Variants in SENP3 observed in about 807,000 individuals in gnomAD.
SENP3 encodes sentrin-specific protease 3.
Under a neutral mutation model 66.2 loss-of-function variants are expected in SENP3, and 11 were observed. The observed-to-expected ratio is 0.17, with a 90% CI of 0.10 to 0.28. The LOEUF (loss-of-function observed/expected upper bound fraction) is 0.28. Ranked by LOEUF, SENP3 falls within the 10% of genes least tolerant of loss-of-function variation. The probability of loss-of-function intolerance (pLI) is 1.00; values close to 1 mark genes in which losing one functional copy is unlikely to be tolerated. For missense variants in SENP3, 548 were observed against 743.7 expected (o/e 0.74, Z 3.06); for synonymous variants, 292 against 277.6 (o/e 1.05, Z -0.52).
intron 10 of SENP3, 138 bp from the exon 11 acceptor site, chr17:7,571,235 T>C: frequency 1.5e-6 from 1 of 649,526 alleles, no homozygotes; most frequent in Non-Finnish European, 2.7e-6. Flanking sequence ...AGAGTCAGGC[T>C]GTTTTTGAAC....
In SENP3 at chr17:7,563,555, G is replaced by A. The variant is rs2071241310; in HGVS notation, c.479G>A (p.Gly160Asp). 2 of 1,550,278 alleles carry A rather than the reference G, an allele frequency of 1.3e-6. No individual in the cohort carries two copies. Among genetic ancestry groups the A allele is most frequent in the South Asian group, 1.2e-5 (1 of 84,256 alleles). Residue 160 changes from glycine to aspartate, a missense_variant, in exon 2 of 11, where the codon GGC (glycine) becomes GAC (aspartate). Gly to Asp is a moderately conservative substitution (Grantham distance 94). This residue lies in a region of SENP3 where 215 missense variants were observed against 230.7 expected (regional missense o/e 0.93). Transcript: ENST00000321337. The stretch of plus-strand genomic sequence containing the variant: ...GGGCGCCACCGGGGCCGGCGGCGGG[G>A]CCTCGCACACCCCAAGAACCATCTT... ...LWGRHRGRRR[G>D]LAHPKNHLSP... is the part of the protein sequence containing the mutation.
At chr17:7,566,669 T>TAA (rs34349099) in intron 6 of SENP3, among the ~76,000 whole-genome samples, 19,353 of 135,742 alleles carry the variant, frequency 0.14, 1,413 homozygotes, top group African/African-American at 0.17. Context: ...CTGCCTCAAA[T>TAA]AAAAAAAAAA....
At chr17:7,565,253 G>A (rs2071258650) in intron 4 of SENP3, 183 bp downstream of exon 4, 3 of 825,292 alleles carry the variant, frequency 3.6e-6, no homozygotes, top group South Asian at 3.5e-5. Context: ...CTGGGACCCT[G>A]AAATGTTCTA....
chr17:7,563,190 C>G lies in SENP3; in HGVS notation c.114C>G (p.Pro38=). Residue 38 remains proline, a synonymous_variant, in exon 2 of 11, where the codon CCC becomes CCG. Transcript: ENST00000321337. Reference sequence around the variant, plus strand: ...AGCGTCTTCGTTGGCCCCCACCTCCCAAACCCCGACTCAAGTCAGGTGGAG... The same window carrying G: ...AGCGTCTTCGTTGGCCCCCACCTCCGAAACCCCGACTCAAGTCAGGTGGAG... The part of the protein sequence containing the change: ...RRERLRWPPP[P]KPRLKSGGGF... 6.4e-7 allele frequency: 1 copy of G among 1,569,902 alleles called. No individual in the cohort carries two copies. Among genetic ancestry groups the G allele is most frequent in the Non-Finnish European group, 8.6e-7 (1 of 1,157,232 alleles).
At position 7,570,265 on chromosome 17, in the gene SENP3, C is replaced by A; in HGVS notation, c.1342-91C>A. Reference sequence around the variant, plus strand: ...GTCTTCTGTTCTTTCACTTGGTTCCCTTACCTGTGTCTCTGTTCCTCTCTA... The same window carrying A: ...GTCTTCTGTTCTTTCACTTGGTTCCATTACCTGTGTCTCTGTTCCTCTCTA... On this transcript the variant is annotated intron_variant, in intron 7 of 10. Coordinates refer to ENST00000321337, the MANE Select transcript of SENP3 (RefSeq NM_015670.6). This position sits in a 1 kb window ranked among gnomAD's most constrained non-coding sequence, Gnocchi z 5.4. 1 of 1,491,522 alleles carries A rather than the reference C, an allele frequency of 6.7e-7. No individual in the cohort carries two copies. 92.4% of individuals were successfully genotyped at this position (1,491,522 alleles called of 1,614,324 possible).
In SENP3 at chr17:7,563,520, G is replaced by A; in HGVS notation, c.444G>A (p.Trp148Ter). The A allele has an allele frequency of 6.5e-7, 1 of 1,550,382 alleles. No homozygotes were observed. The highest frequency in any genetic ancestry group is 8.7e-7 in the Non-Finnish European group (1 of 1,146,956). The change falls in exon 2 of 11, where the codon TGG becomes TGA. Residue 148 changes from tryptophan to a stop codon, truncating the protein, a stop_gained. Coordinates refer to ENST00000321337, the MANE Select transcript of SENP3 (RefSeq NM_015670.6). LOFTEE classifies it high-confidence loss of function. ...YSKSTSLTFHWKLWGRHRGRR... is the reference protein window; with the variant it reads ...YSKSTSLTFH ...AAAGCACCTCGCTGACATTCCACTGGAAGCTTTGGGGGCGCCACCGGGGCC... is the reference window on the plus strand; with the variant it reads ...AAAGCACCTCGCTGACATTCCACTGAAAGCTTTGGGGGCGCCACCGGGGCC...
At chr17:7,568,584 G>A (rs944525343) in intron 7 of SENP3, among the ~76,000 whole-genome samples, 15 of 152,010 alleles carry the variant, frequency 9.9e-5, no homozygotes, top group African/African-American at 3.6e-4. Flanking sequence ...GTGAAACTCT[G>A]TCTCAAAAAA....
intron 2 of SENP3, 35 bp downstream of exon 2, chr17:7,563,826 G>A (rs772850946): frequency 6.7e-6 from 10 of 1,502,836 alleles, no homozygotes; most frequent in Admixed American, 2.0e-5. Flanking sequence ...TTGCGGGGGA[G>A]GGGTTAGGGA....
At chr17:7,565,621 G>A in intron 5 of SENP3, 34 bp downstream of exon 5, 1 of 1,613,370 alleles carries the variant, frequency 6.2e-7, no homozygotes, top group Non-Finnish European at 8.5e-7. Context: ...CCTGAGAGGG[G>A]ATTCAGGGAG....
chr17:7,571,421 GAC>G lies in SENP3; in HGVS notation c.1665_1666del (p.Met556AlafsTer29). ...LSQPFSFTQQ[D>X]MPKLRRQIYK... ...TCAGCCATTCAGCTTCACCCAGCAG[GAC>G]ATGCCCAAACTTCGTCGGCAGATCT... On this transcript the variant is annotated frameshift_variant, in exon 11 of 11. Coordinates refer to ENST00000321337, the MANE Select transcript of SENP3 (RefSeq NM_015670.6). LOFTEE classifies it high-confidence loss of function. 6.2e-7 allele frequency: 1 copy of G among 1,601,800 alleles called. No individual in the cohort carries two copies. The highest frequency in any genetic ancestry group is 1.7e-5 in the Admixed American group (1 of 58,392).
rs2071260689 is a variant in SENP3, at chr17:7,565,516, G to T, written c.1144G>T (p.Ala382Ser). The T allele has an allele frequency of 3.7e-6, 6 of 1,613,728 alleles. No individual in the cohort carries two copies. Among genetic ancestry groups the T allele is most frequent in the African/African-American group, 1.3e-5 (1 of 74,910 alleles). Residue 382 changes from alanine to serine, a missense_variant, in exon 5 of 11, where the codon GCT becomes TCT. Transcript: ENST00000321337. ...GNAMVRGFRV[A>S]YKRHVLTMDD... ...TGCCATGGTGAGGGGCTTCCGAGTGGCTTATAAGCGGCACGTGCTGACCAT... is the reference window on the plus strand; with the variant it reads ...TGCCATGGTGAGGGGCTTCCGAGTGTCTTATAAGCGGCACGTGCTGACCAT...
intron 6 of SENP3, among the ~76,000 whole-genome samples, chr17:7,566,294 TC>T (rs1443191396): frequency 2.1e-5 from 3 of 145,806 alleles, no homozygotes; most frequent in Non-Finnish European, 3.0e-5. Flanking sequence ...TGAGTCGAGA[TC>T]CACGCCATTG....
chr17:7,563,035 G>T (rs1477069502), intron 1 of SENP3, 31 bp from the exon 2 acceptor site: 5 of 1,431,858 alleles, frequency 3.5e-6, no homozygotes, highest in Non-Finnish European at 4.6e-6. Flanking sequence ...GTGATGCTTA[G>T]ATTTTGATAC....
At position 7,562,031 on chromosome 17, in the gene SENP3, C is replaced by A; in HGVS notation, c.-244C>A. 2.5e-6 allele frequency: 1 copy of A among 399,968 alleles called. No individual in the cohort carries two copies. The allele number at this position is 399,968 out of a possible 1,614,324, so 24.8% of individuals were successfully genotyped here. A position where few individuals can be genotyped will look rare whatever the true frequency, so the allele number is the denominator to read the frequency against. On this transcript the variant is annotated 5_prime_UTR_variant, in exon 1 of 11. Transcript: ENST00000321337. The surrounding 1 kb of genome is among the most constrained non-coding windows in gnomAD (Gnocchi z 5.0). ...GCGGTGGCGCTGGTGGCGGCGGTGG[C>A]GGAGGTGGAGGTGGAGGTGGAAGCT...
chr17:7,563,442 C>T lies in SENP3; in HGVS notation c.366C>T (p.Cys122=). 6.9e-7 allele frequency: 1 copy of T among 1,450,136 alleles called. No individual in the cohort carries two copies. The highest frequency in any genetic ancestry group is 1.2e-5 in the South Asian group (1 of 82,732). The allele number at this position is 1,450,136 out of a possible 1,614,324, so 89.8% of individuals were successfully genotyped here. ...CCCGCCCCACTCATCGAAAAACCTGCTCACAGCGCCGCCGCCGAGCCATGA... is the reference window on the plus strand; with the variant it reads ...CCCGCCCCACTCATCGAAAAACCTGTTCACAGCGCCGCCGCCGAGCCATGA... ...RPSRPTHRKT[C]SQRRRRAMRA... The change falls in exon 2 of 11, where the codon TGC becomes TGT. Residue 122 remains cysteine, a synonymous_variant. Coordinates refer to ENST00000321337, the MANE Select transcript of SENP3 (RefSeq NM_015670.6).
At chr17:7,568,177 T>C (rs1008340857) in intron 7 of SENP3, among the ~76,000 whole-genome samples, 3 of 150,896 alleles carry the variant, frequency 2.0e-5, no homozygotes, top group South Asian at 2.1e-4. Flanking sequence ...GGTGGCTTCA[T>C]GATTAGAGGG....
chr17:7,563,645 G>T lies in SENP3; in HGVS notation c.569G>T (p.Arg190Leu), dbSNP rs778849909. ...CCCTGTTGTCGTTTTGACTCCCCCC[G>T]GGGGCCACCTCCACCCCGGCTGGGT... is the stretch of plus-strand genomic sequence containing the variant. ...PSPCCRFDSP[R>L]GPPPPRLGLL... Residue 190 changes from arginine (R) to leucine (L), a missense_variant, in exon 2 of 11, where the codon CGG (arginine) becomes CTG (leucine). Arg to Leu is a moderately radical substitution (Grantham distance 102). Coordinates refer to ENST00000321337, the MANE Select transcript of SENP3 (RefSeq NM_015670.6). The T allele has an allele frequency of 6.2e-7, 1 of 1,607,676 alleles. No individual in the cohort carries two copies. The highest frequency in any genetic ancestry group is 2.2e-5 in the East Asian group (1 of 44,804).
Position 7,563,320 on chromosome 17 carries a change from G to C in SENP3, c.244G>C (p.Glu82Gln). Residue 82 changes from glutamate to glutamine, a missense_variant, in exon 2 of 11, where the codon GAG becomes CAG. This residue lies in a region of SENP3 where 164 missense variants were observed against 167.9 expected (regional missense o/e 0.98). Coordinates refer to ENST00000321337, the MANE Select transcript of SENP3 (RefSeq NM_015670.6). ...ASASEEEEEE[E>Q]EEEDEDEEEE... ...AGCAAGTGAAGAGGAGGAAGAAGAG[G>C]AGGAGGAGGAGGATGAAGATGAAGA... 4.5e-6 allele frequency: 7 copies of C among 1,552,616 alleles called. No homozygotes were observed. The highest frequency in any genetic ancestry group is 5.2e-6 in the Non-Finnish European group (6 of 1,147,438).
intron 2 of SENP3, among the ~76,000 whole-genome samples, chr17:7,564,089 C>T (rs1225948816): frequency 6.6e-6 from 1 of 152,156 alleles, no homozygotes; most frequent in East Asian, 1.9e-4. Context: ...AAATCCTGTC[C>T]ACACGAAATC....
Sources: gnomAD v4.1 joint callset for allele counts (sites outside exome capture counted in the v4.1 genomes callset) on GRCh38, gnomAD v4.1.1 for gene constraint, gnomAD v4.1.1 regional missense constraint, Gnocchi (gnomAD v3.1) non-coding constraint, MANE v1.5 for transcripts, NCBI Gene and HGNC (gene_info 2026-07-23, HGNC 2026-07-21) for gene names.